The following EPHA7 variants were observed in gnomAD, a reference collection of about 807,000 sequenced individuals.
EPHA7 encodes the protein ephrin type-A receptor 7.
Under a neutral mutation model 112.6 loss-of-function variants are expected in EPHA7, and 25 were observed. The ratio of observed to expected loss-of-function variants is 0.22; its 90% CI spans 0.16 to 0.31. EPHA7 has a LOEUF of 0.31. Ranked by LOEUF, EPHA7 falls within the 10% of genes least tolerant of loss-of-function variation. The pLI, the probability that EPHA7 is intolerant of heterozygous loss-of-function variation, is 1.00. For missense variants in EPHA7, 962 were observed against 1,212.6 expected (o/e 0.79, Z 3.07); for synonymous variants, 437 against 406.5 (o/e 1.07, Z -0.90).
At chr6:93,246,043 A>G (rs1393737434) in intron 15 of EPHA7, among the ~76,000 whole-genome samples, 2 of 150,688 alleles carry the variant, frequency 1.3e-5, no homozygotes, top group African/African-American at 4.9e-5. Flanking sequence ...CATGTATTGA[A>G]TTTTTTTTTC....
At chr6:93,270,656 T>C (rs1380993178) in intron 6 of EPHA7, among the ~76,000 whole-genome samples, 2 of 151,814 alleles carry the variant, frequency 1.3e-5, no homozygotes, top group African/African-American at 4.8e-5. Flanking sequence ...TCAAGTTGTT[T>C]GATTTGCCTT....
intron 5 of EPHA7, among the ~76,000 whole-genome samples, chr6:93,326,015 G>T (rs1774301320): frequency 6.6e-6 from 1 of 151,290 alleles, no homozygotes; most frequent in Non-Finnish European, 1.5e-5. Flanking sequence ...AAAGAGTCAA[G>T]AATAATAATT....
At chr6:93,401,459 G>A (rs1406071196) in intron 3 of EPHA7, among the ~76,000 whole-genome samples, 3 of 151,880 alleles carry the variant, frequency 2.0e-5, no homozygotes, top group African/African-American at 7.3e-5. Flanking sequence ...GCTATCATTC[G>A]AGATTAATAT....
rs556852647 is a variant in EPHA7, at chr6:93,410,742, A to T, written c.591T>A (p.Ser197=). The change falls in exon 3 of 17, where the codon TCT becomes TCA. Residue 197 remains serine (S), a synonymous_variant. Transcript: ENST00000369303. This position sits in a 1 kb window ranked among gnomAD's most constrained non-coding sequence, Gnocchi z 4.0. ...AGCACTTCTTGTAGTACACTTTGAC[A>T]GAAACCAAAGCTATGCAAGCCCCTA... ...QDVGACIALV[S]VKVYYKKCWS... 6.2e-7 allele frequency: 1 copy of T among 1,614,080 alleles called. No individual in the cohort carries two copies. Among genetic ancestry groups the T allele is most frequent in the South Asian group, 1.1e-5 (1 of 91,088 alleles).
intron 5 of EPHA7, among the ~76,000 whole-genome samples, chr6:93,292,903 C>T (rs1055500083): frequency 6.6e-6 from 1 of 152,022 alleles, no homozygotes; most frequent in Non-Finnish European, 1.5e-5. Flanking sequence ...TGTTTGCACT[C>T]ATTTTGGAGA....
chr6:93,370,619 T>C (rs1358383420), intron 3 of EPHA7, among the ~76,000 whole-genome samples: 1 of 152,186 alleles, frequency 6.6e-6, no homozygotes, highest in Non-Finnish European at 1.5e-5. Flanking sequence ...TTGTTTTCTT[T>C]TATTATGAGC....
At chr6:93,348,716 T>C (rs1775533975) in intron 5 of EPHA7, among the ~76,000 whole-genome samples, 2 of 151,914 alleles carry the variant, frequency 1.3e-5, no homozygotes, top group South Asian at 4.1e-4. Flanking sequence ...CATTATATCA[T>C]TTGAATTAAA....
At position 93,336,548 on chromosome 6, in the gene EPHA7, A is replaced by G. The variant is rs547076039; in HGVS notation, c.1324+20169T>C. On this transcript the variant is annotated intron_variant, in intron 5 of 16. Coordinates refer to ENST00000369303, the MANE Select transcript of EPHA7 (RefSeq NM_004440.4). ...CTCCCGAGTAGCTGGGACTACAGGCACGTGCCACCACGCCTAGCTATTTTT... is the reference window on the plus strand; with the variant it reads ...CTCCCGAGTAGCTGGGACTACAGGCGCGTGCCACCACGCCTAGCTATTTTT... Among the ~76,000 whole-genome samples the G allele has an allele frequency of 3.1e-4, 47 of 152,152 alleles. No individual in the cohort carries two copies. The East Asian group carries it at 4.7e-3, about 15-fold the overall frequency.
At chr6:93,307,021 T>C (rs776948322) in intron 5 of EPHA7, among the ~76,000 whole-genome samples, 38 of 152,060 alleles carry the variant, frequency 2.5e-4, no homozygotes, top group Non-Finnish European at 4.1e-4. Flanking sequence ...AATATAATAC[T>C]ATTGCATAAA....
At chr6:93,279,480 A>G (rs552223722) in intron 5 of EPHA7, among the ~76,000 whole-genome samples, 17 of 152,272 alleles carry the variant, frequency 1.1e-4, no homozygotes, top group African/African-American at 3.6e-4. Flanking sequence ...TAAGAAGAGT[A>G]AAATATTTCA....
chr6:93,372,606 T>C (rs1360307925), intron 3 of EPHA7, among the ~76,000 whole-genome samples: 8 of 152,158 alleles, frequency 5.3e-5, no homozygotes, highest in Non-Finnish European at 1.2e-4. Flanking sequence ...AAACAATTTT[T>C]AGCAAGATAA....
chr6:93,358,343 A>C lies in EPHA7; in HGVS notation c.901T>G (p.Phe301Val). Residue 301 changes from phenylalanine to valine, a missense_variant, in exon 4 of 17, where the codon TTT (phenylalanine) becomes GTT (valine). Transcript: ENST00000369303. ...CTGGAGGAGCCTTCTTTATCAGAAA[A>C]ACTGTGAGTTGGACAACGAGAGCAC... The part of the protein sequence containing the change: ...LQCSRCPTHS[F>V]SDKEGSSRCE... 1 of 1,613,464 alleles carries C rather than the reference A, an allele frequency of 6.2e-7. No individual in the cohort carries two copies. Among genetic ancestry groups the C allele is most frequent in the South Asian group, 1.1e-5 (1 of 91,018 alleles).
chr6:93,254,582 A>G, intron 14 of EPHA7, 65 bp downstream of exon 14: 1 of 1,370,034 alleles, frequency 7.3e-7, no homozygotes, highest in Non-Finnish European at 1.0e-6. Context: ...CTTTACCTAC[A>G]TGTTCCAGTA....
At chr6:93,260,272 T>A (rs1770627639) in intron 9 of EPHA7, among the ~76,000 whole-genome samples, 1 of 151,882 alleles carries the variant, frequency 6.6e-6, no homozygotes, top group Non-Finnish European at 1.5e-5. Flanking sequence ...CAAAAGGTAG[T>A]CAAAATGCAA....
At chr6:93,400,750 C>A (rs1393190069) in intron 3 of EPHA7, among the ~76,000 whole-genome samples, 2 of 152,142 alleles carry the variant, frequency 1.3e-5, no homozygotes, top group African/African-American at 4.8e-5. Flanking sequence ...GTTGCTCAGG[C>A]TGGTCTCAAA....
chr6:93,407,921 T>C (rs373225222), intron 3 of EPHA7, among the ~76,000 whole-genome samples: 20 of 152,090 alleles, frequency 1.3e-4, no homozygotes, highest in South Asian at 4.1e-4. Flanking sequence ...TTTACTGTGG[T>C]TTAAGACTGC....
At chr6:93,358,552 G>C in intron 3 of EPHA7, 141 bp from the exon 4 acceptor site, 3 of 655,096 alleles carry the variant, frequency 4.6e-6, no homozygotes, top group Middle Eastern at 4.5e-4. Context: ...TTCATTTTAG[G>C]GTATTTCACT....
chr6:93,371,174 A>G (rs1330132441), intron 3 of EPHA7, among the ~76,000 whole-genome samples: 2 of 151,692 alleles, frequency 1.3e-5, no homozygotes, highest in Non-Finnish European at 2.9e-5. Flanking sequence ...AAAAAGAAAA[A>G]AAAAAAGAAA....
At chr6:93,393,416 C>T (rs943878456) in intron 3 of EPHA7, among the ~76,000 whole-genome samples, 1 of 151,460 alleles carries the variant, frequency 6.6e-6, no homozygotes, top group African/African-American at 2.4e-5. Flanking sequence ...ATTTAGTACC[C>T]TTTTAGTCTT....
Sources: allele counts gnomAD v4.1 joint callset (sites outside exome capture counted in the v4.1 genomes callset), GRCh38; gene constraint gnomAD v4.1.1; non-coding constraint Gnocchi (gnomAD v3.1); transcripts MANE v1.5; gene names NCBI Gene and HGNC (gene_info 2026-07-23, HGNC 2026-07-21).